The following GABPA variants were observed in gnomAD, a reference collection of about 807,000 sequenced individuals.
The protein encoded by GABPA is GA-binding protein alpha chain.
In GABPA, 4 loss-of-function variants were observed where a neutral mutation model predicts 59.4. The ratio of observed to expected loss-of-function variants is 0.07; its 90% CI spans 0.03 to 0.15. The LOEUF is 0.15. GABPA is among the 10% of genes least tolerant of loss of function. GABPA has a pLI of 1.00. For synonymous variants in GABPA, 164 were observed against 183.1 expected (o/e 0.90, Z 0.84); for missense variants, 251 against 543.8 (o/e 0.46, Z 5.36).
chr21:25,755,207 G>C (rs1228196012), intron 5 of GABPA, among the ~76,000 whole-genome samples: 1 of 152,082 alleles, frequency 6.6e-6, no homozygotes, highest in Non-Finnish European at 1.5e-5. Flanking sequence ...CCAGCACGTT[G>C]GGAGGCTGAG....
intron 1 of GABPA, among the ~76,000 whole-genome samples, chr21:25,740,176 C>A (rs908016343): frequency 1.3e-5 from 2 of 152,220 alleles, no homozygotes; most frequent in African/African-American, 2.4e-5. Flanking sequence ...GGTTTAGCCT[C>A]ACCTCTGAAT....
intron 2 of GABPA, 37 bp downstream of exon 2, chr21:25,741,712 A>T: frequency 7.5e-7 from 1 of 1,330,752 alleles, no homozygotes; most frequent in Non-Finnish European, 1.1e-6. Flanking sequence ...TTTTCAAAAT[A>T]TCAATATACC....
At chr21:25,757,849 ATTTTTT>A (rs60518912) in intron 5 of GABPA, among the ~76,000 whole-genome samples, 155 bp from the exon 6 acceptor site, 110 of 108,712 alleles carry the variant, frequency 1.0e-3, no homozygotes, top group African/African-American at 3.7e-3. Context: ...TTACAGCATA[ATTTTTT>A]TTTTTTTTTT....
At chr21:25,764,809 T>G in intron 9 of GABPA, 22 bp downstream of exon 9, 1 of 1,493,408 alleles carries the variant, frequency 6.7e-7, no homozygotes, top group South Asian at 1.4e-5. Flanking sequence ...TTACTTTTTT[T>G]TCTGTTATCA....
intron 2 of GABPA, among the ~76,000 whole-genome samples, chr21:25,742,276 A>G (rs1032851989): frequency 6.6e-6 from 1 of 152,206 alleles, no homozygotes; most frequent in African/African-American, 2.4e-5. Context: ...GGAGTCAACA[A>G]GAAGACTGAG....
At chr21:25,762,092 G>C (rs751952276) in intron 6 of GABPA, among the ~76,000 whole-genome samples, 3 of 152,044 alleles carry the variant, frequency 2.0e-5, no homozygotes, top group Non-Finnish European at 4.4e-5. Flanking sequence ...AAAGACATTG[G>C]AGCTTTTCCC....
chr21:25,742,746 T>G (rs560235742), intron 2 of GABPA, among the ~76,000 whole-genome samples: 4 of 111,644 alleles, frequency 3.6e-5, no homozygotes, highest in East Asian at 5.5e-4. Context: ...AAACCCTGTC[T>G]CTACAAAACA....
At chr21:25,751,343 G>A (rs2035507594) in intron 4 of GABPA, among the ~76,000 whole-genome samples, 1 of 150,690 alleles carries the variant, frequency 6.6e-6, no homozygotes, top group Admixed American at 6.6e-5. Context: ...GGATAGTTGA[G>A]GAGCCTTTGT....
At chr21:25,757,449 CT>C (rs869034091) in intron 5 of GABPA, among the ~76,000 whole-genome samples, 2 of 35,272 alleles carry the variant, frequency 5.7e-5, no homozygotes, top group Non-Finnish European at 2.7e-4. Flanking sequence ...TCTTGTATTT[CT>C]TAGTGTGTTG....
intron 5 of GABPA, among the ~76,000 whole-genome samples, chr21:25,752,627 A>G (rs1055183237): frequency 1.1e-4 from 16 of 152,224 alleles, no homozygotes; most frequent in African/African-American, 3.9e-4. Context: ...TATTATAAAT[A>G]AGATACCATT....
intron 4 of GABPA, among the ~76,000 whole-genome samples, chr21:25,749,604 G>C (rs1293053835): frequency 6.6e-6 from 1 of 152,192 alleles, no homozygotes; most frequent in Non-Finnish European, 1.5e-5. Context: ...GGCTGAGGTG[G>C]GCAGATCATT....
chr21:25,741,697 AT>A (rs34799367), intron 2 of GABPA, 22 bp downstream of exon 2: 24 of 1,531,522 alleles, frequency 1.6e-5, no homozygotes, highest in East Asian at 2.3e-5. Context: ...TGAATTTATC[AT>A]TTTTTTTCAA....
intron 2 of GABPA, 65 bp from the exon 3 acceptor site, chr21:25,745,145 A>G: frequency 2.6e-6 from 4 of 1,550,652 alleles, no homozygotes; most frequent in Non-Finnish European, 2.6e-6. Flanking sequence ...TGTTTTTAGC[A>G]TATTGTTGCT....
rs1025138362 is a variant in GABPA at position 25,771,124 on chromosome 21, A to G, written c.*1892A>G. 2.0e-4 allele frequency: 31 copies of G among 151,948 alleles called. No homozygotes were observed. The highest frequency in any genetic ancestry group is 7.5e-4 in the African/African-American group (31 of 41,418). The allele number at this position is 151,948 out of a possible 1,614,324, so 9.4% of individuals were successfully genotyped here. A position where few individuals can be genotyped will look rare whatever the true frequency, so the allele number is the denominator to read the frequency against. On this transcript the variant is annotated 3_prime_UTR_variant, in exon 10 of 10. Coordinates refer to ENST00000400075, the MANE Select transcript of GABPA (RefSeq NM_002040.4). ...GAGTTGACAAGTTGCTTGTAGTTTTAAAAAAATAATAAAGTATACCCTTCT... is the reference window on the plus strand; with the variant it reads ...GAGTTGACAAGTTGCTTGTAGTTTTGAAAAAATAATAAAGTATACCCTTCT...
rs955069949 is a variant in GABPA at position 25,764,369 on chromosome 21, G to T, written c.943+19G>T. The stretch of plus-strand genomic sequence containing the variant: ...AGAACAGGTATTTTTGTATTTTCTT[G>T]TATTTATAAAATATATCTATCTAAT... On this transcript the variant is annotated intron_variant, in intron 8 of 9. Transcript: ENST00000400075. The T allele has an allele frequency of 1.3e-6, 2 of 1,579,688 alleles. No individual in the cohort carries two copies. The highest frequency in any genetic ancestry group is 3.6e-5 in the Admixed American group (2 of 55,660).
At chr21:25,762,428 G>GT in intron 7 of GABPA, 63 bp downstream of exon 7, 1 of 1,175,680 alleles carries the variant, frequency 8.5e-7, no homozygotes, top group Non-Finnish European at 1.2e-6. Flanking sequence ...ATACCGCAAG[G>GT]TAATAAAAAG....
chr21:25,764,925 A>C, intron 9 of GABPA, 138 bp downstream of exon 9: 1 of 573,290 alleles, frequency 1.7e-6, no homozygotes, highest in Non-Finnish European at 2.8e-6. Context: ...CATATTAAAA[A>C]ACCTTTTTAA....
At chr21:25,766,177 C>T (rs1161953922) in intron 9 of GABPA, among the ~76,000 whole-genome samples, 2 of 151,916 alleles carry the variant, frequency 1.3e-5, no homozygotes, top group Non-Finnish European at 2.9e-5. Context: ...TATGAGGAAA[C>T]GACCTGCTTT....
At chr21:25,761,745 T>G (rs71651631) in intron 6 of GABPA, among the ~76,000 whole-genome samples, 1 of 152,316 alleles carries the variant, frequency 6.6e-6, no homozygotes, top group East Asian at 1.9e-4. Context: ...AGGACCTTTA[T>G]AGTATTTTTA....
Sources: allele counts gnomAD v4.1 joint callset (sites outside exome capture counted in the v4.1 genomes callset), GRCh38; gene constraint gnomAD v4.1.1; transcripts MANE v1.5; gene names NCBI Gene and HGNC (gene_info 2026-07-23, HGNC 2026-07-21).